EDA: variants seen among roughly 807,000 people sequenced by gnomAD.
The protein encoded by EDA is ectodysplasin-A.
A neutral mutation model predicts 23.6 loss-of-function variants in EDA; 2 were observed. The ratio of observed to expected loss-of-function variants is 0.08; its 90% confidence interval spans 0.03 to 0.27. The LOEUF (loss-of-function observed/expected upper bound fraction) is 0.27. Ranked by LOEUF, EDA falls within the 10% of genes least tolerant of loss-of-function variation. The pLI is 1.00. For synonymous variants in EDA, 131 were observed against 132.0 expected, an observed-to-expected ratio of 0.99 and a Z score of 0.05; for missense variants, 229 against 324.2, an observed-to-expected ratio of 0.71 and a Z score of 2.26.
At chrX:69,825,484 A>T (rs1398558826) in intron 1 of EDA, among the ~76,000 whole-genome samples, 1 of 110,926 alleles carries the variant, frequency 9.0e-6, no homozygotes, top group Non-Finnish European at 1.9e-5. Context: ...GTTTATTTGC[A>T]TAGAGGTGTT....
At chrX:69,781,715 C>T (rs143873181) in intron 1 of EDA, among the ~76,000 whole-genome samples, 8,389 of 110,622 alleles carry the variant, frequency 0.076, 253 homozygotes, top group Middle Eastern at 0.089. Context: ...CCTATAGTCA[C>T]TTAAAACAAA....
chrX:69,638,928 C>T (rs1932808233), intron 1 of EDA, among the ~76,000 whole-genome samples: 1 of 110,357 alleles, frequency 9.1e-6, no homozygotes, highest in African/African-American at 3.3e-5. Context: ...TAACCAACTC[C>T]CTACTCTCCC....
chrX:69,710,276 T>C (rs1347402079), intron 1 of EDA, among the ~76,000 whole-genome samples: 3 of 110,723 alleles, frequency 2.7e-5, no homozygotes, highest in Non-Finnish European at 5.7e-5. Flanking sequence ...TTTCTTGTTT[T>C]TGTCAGGTTT....
intron 1 of EDA, among the ~76,000 whole-genome samples, chrX:69,840,460 T>C (rs1208652035): frequency 1.8e-5 from 2 of 112,179 alleles, no homozygotes; most frequent in African/African-American, 6.5e-5. Context: ...GAGCCCAATA[T>C]ATATTTGTTG....
At chrX:69,790,205 T>C (rs921869622) in intron 1 of EDA, among the ~76,000 whole-genome samples, 7 of 110,897 alleles carry the variant, frequency 6.3e-5, no homozygotes, top group Non-Finnish European at 1.3e-4. Context: ...TCCTCTTTTT[T>C]CTTTTTTTTA....
chrX:69,736,559 C>T (rs1396531426), intron 1 of EDA, among the ~76,000 whole-genome samples: 1 of 110,001 alleles, frequency 9.1e-6, no homozygotes, highest in African/African-American at 3.3e-5. Context: ...GAACTCCTGG[C>T]CTCATGTGAT....
chrX:69,644,017 G>C lies in EDA; in HGVS notation c.396+27313G>C, dbSNP rs748019673. Among the ~76,000 whole-genome samples the C allele has an allele frequency of 3.6e-5, 4 of 111,621 alleles. No individual in the cohort carries two copies. The South Asian group carries it at 1.5e-3, about 42-fold the overall frequency. ...GCTGTTACTGTAATCTTGTAGTATA[G>C]TTTGAAGTTGGATAGCATGAGGCCT... On this transcript the variant is annotated intron_variant, in intron 1 of 7. Transcript: ENST00000374552.
chrX:69,964,307 G>A (rs1234998392), intron 2 of EDA, among the ~76,000 whole-genome samples: 1 of 109,950 alleles, frequency 9.1e-6, no homozygotes, highest in Non-Finnish European at 1.9e-5. Context: ...GTTTTTTTTT[G>A]AAGCATGCAT....
chrX:69,994,275 A>T (rs1399523884), intron 2 of EDA, among the ~76,000 whole-genome samples: 1 of 112,048 alleles, frequency 8.9e-6, no homozygotes. Context: ...AATGGACATT[A>T]ACATGAGTTA....
intron 1 of EDA, among the ~76,000 whole-genome samples, chrX:69,941,129 A>G (rs1433504302): frequency 8.9e-6 from 1 of 111,941 alleles, no homozygotes; most frequent in Non-Finnish European, 1.9e-5. Flanking sequence ...ATGGTCAGGG[A>G]AGATACTTGA....
intron 2 of EDA, among the ~76,000 whole-genome samples, chrX:69,991,342 T>G (rs968169640): frequency 9.0e-6 from 1 of 111,672 alleles, no homozygotes; most frequent in African/African-American, 3.3e-5. Flanking sequence ...GGCCTACTTC[T>G]GTGGGCTGTA....
At chrX:69,753,049 T>G (rs1277465303) in intron 1 of EDA, among the ~76,000 whole-genome samples, 2 of 111,467 alleles carry the variant, frequency 1.8e-5, no homozygotes, top group Non-Finnish European at 3.8e-5. Flanking sequence ...ATTGATTTTT[T>G]GAAGGGTTTT....
At chrX:69,862,701 C>T (rs2017405757) in intron 1 of EDA, among the ~76,000 whole-genome samples, 1 of 111,485 alleles carries the variant, frequency 9.0e-6, no homozygotes, top group African/African-American at 3.3e-5. Context: ...TCCTCGGCCT[C>T]CCACAGTCCT....
intron 1 of EDA, among the ~76,000 whole-genome samples, chrX:69,783,586 T>C (rs1414786854): frequency 1.8e-5 from 2 of 110,972 alleles, no homozygotes; most frequent in Non-Finnish European, 3.8e-5. Flanking sequence ...TGATTTCCAA[T>C]TTCATCCATG....
chrX:69,776,654 A>G (rs1043555533), intron 1 of EDA, among the ~76,000 whole-genome samples: 1 of 111,333 alleles, frequency 9.0e-6, no homozygotes, highest in Non-Finnish European at 1.9e-5. Flanking sequence ...GCCCTGAAGA[A>G]GAGGGGAGCT....
chrX:69,915,659 A>G (rs1401057129), intron 1 of EDA, among the ~76,000 whole-genome samples: 1 of 110,915 alleles, frequency 9.0e-6, no homozygotes, highest in Non-Finnish European at 1.9e-5. Flanking sequence ...CCTACTCTGC[A>G]CTGGTCACTT....
intron 2 of EDA, among the ~76,000 whole-genome samples, chrX:69,972,221 T>A (rs908496429): frequency 3.6e-5 from 4 of 111,806 alleles, no homozygotes; most frequent in African/African-American, 6.5e-5. Flanking sequence ...ATTTATTATC[T>A]CCCCTTCTTC....
At chrX:69,632,624 A>G (rs1302892372) in intron 1 of EDA, among the ~76,000 whole-genome samples, 1 of 112,116 alleles carries the variant, frequency 8.9e-6, no homozygotes, top group Non-Finnish European at 1.9e-5. Flanking sequence ...TCTAAGACAT[A>G]CTTCACTTTC....
At chrX:69,951,589 C>T (rs1206922627) in intron 1 of EDA, among the ~76,000 whole-genome samples, 1 of 111,132 alleles carries the variant, frequency 9.0e-6, no homozygotes, top group Non-Finnish European at 1.9e-5. Flanking sequence ...TATGAATTAT[C>T]TAGTAAAATC....
Sources: allele counts gnomAD v4.1 joint callset (sites outside exome capture counted in the v4.1 genomes callset), GRCh38; gene constraint gnomAD v4.1.1; transcripts MANE v1.5; gene names NCBI Gene and HGNC (gene_info 2026-07-23, HGNC 2026-07-21).